SUSD6: variants seen among roughly 807,000 people sequenced by gnomAD.
SUSD6 encodes sushi domain containing 6.
Under a neutral mutation model 28.4 loss-of-function variants are expected in SUSD6, and 16 were observed. That is an observed-to-expected ratio of 0.56 (90% CI 0.38 to 0.86). The LOEUF (loss-of-function observed/expected upper bound fraction) is 0.86. SUSD6 is among the 40% of genes least tolerant of loss of function. The pLI, the probability that SUSD6 is intolerant of heterozygous loss-of-function variation, is 0.00. For missense variants in SUSD6, 341 were observed against 384.2 expected (o/e 0.89, Z 0.94); for synonymous variants, 147 against 159.6 (o/e 0.92, Z 0.59).
chr14:69,662,484 G>A (rs1345826672), intron 2 of SUSD6, among the ~76,000 whole-genome samples: 1 of 152,180 alleles, frequency 6.6e-6, no homozygotes. Flanking sequence ...TGCAGTTATA[G>A]CAGAAAAGGT....
intron 1 of SUSD6, among the ~76,000 whole-genome samples, chr14:69,626,217 C>T (rs3784144): frequency 0.047 from 7,139 of 152,288 alleles, 211 homozygotes; most frequent in East Asian, 0.15. Context: ...ATTAAGCCCC[C>T]GGCTTCCCAC....
intron 2 of SUSD6, among the ~76,000 whole-genome samples, chr14:69,667,952 C>T (rs1007375835): frequency 6.6e-6 from 1 of 152,164 alleles, no homozygotes; most frequent in Non-Finnish European, 1.5e-5. Flanking sequence ...GTGATCATCC[C>T]AGTAGATCCA....
At chr14:69,614,727 ATACTCTTCCTCATTTCAG>A (rs1303413931) in intron 1 of SUSD6, among the ~76,000 whole-genome samples, 1 of 152,194 alleles carries the variant, frequency 6.6e-6, no homozygotes, top group Non-Finnish European at 1.5e-5. Context: ...AGTGAGGTAC[ATACTCTTCCTCATTTCAG>A]TACCAAACAA....
intron 5 of SUSD6, among the ~76,000 whole-genome samples, chr14:69,710,069 C>T (rs982558406): frequency 3.3e-5 from 5 of 152,152 alleles, no homozygotes; most frequent in African/African-American, 4.8e-5. Context: ...ATCTTGCCTT[C>T]GTTTTTCTTG....
intron 1 of SUSD6, among the ~76,000 whole-genome samples, chr14:69,646,042 G>A (rs1289250483): frequency 1.3e-5 from 2 of 152,120 alleles, no homozygotes; most frequent in African/African-American, 2.4e-5. Flanking sequence ...GAGCCACTGC[G>A]CCTGGCCTCC....
chr14:69,631,679 T>A (rs1885197282), intron 1 of SUSD6, among the ~76,000 whole-genome samples: 1 of 152,162 alleles, frequency 6.6e-6, no homozygotes, highest in South Asian at 2.1e-4. Flanking sequence ...TGGAGTAGGA[T>A]TATGACCACA....
rs759597813 is a variant in SUSD6 at position 69,711,022 on chromosome 14, C to T, written c.*43C>T. ...TCCTCTCTGCGAGGTTCTCTCAGCCCTTCCTCCCTCTCCCTGTGGGATTGA... is the reference window on the plus strand; with the variant it reads ...TCCTCTCTGCGAGGTTCTCTCAGCCTTTCCTCCCTCTCCCTGTGGGATTGA... On this transcript the variant is annotated 3_prime_UTR_variant, in exon 6 of 6. Coordinates refer to ENST00000342745, the MANE Select transcript of SUSD6 (RefSeq NM_014734.4). The T allele has an allele frequency of 1.2e-6, 2 of 1,603,230 alleles. No homozygotes were observed. Among genetic ancestry groups the T allele is most frequent in the Admixed American group, 1.7e-5 (1 of 60,012 alleles).
intron 1 of SUSD6, among the ~76,000 whole-genome samples, chr14:69,651,820 G>A (rs1449655020): frequency 6.6e-6 from 1 of 152,172 alleles, no homozygotes; most frequent in Non-Finnish European, 1.5e-5. Flanking sequence ...AGAAAGAGAG[G>A]TTAAGGAAGG....
At chr14:69,670,683 C>T (rs979030752) in intron 2 of SUSD6, among the ~76,000 whole-genome samples, 4 of 152,358 alleles carry the variant, frequency 2.6e-5, no homozygotes, top group South Asian at 2.1e-4. Flanking sequence ...GGGATGATAA[C>T]GTACATACCA....
intron 1 of SUSD6, among the ~76,000 whole-genome samples, chr14:69,612,461 T>TG (rs1211801832): frequency 2.1e-5 from 3 of 145,452 alleles, no homozygotes; most frequent in Non-Finnish European, 4.5e-5. Flanking sequence ...CAGACTTTCC[T>TG]TTTTTCGCTT....
At chr14:69,670,598 G>C in intron 2 of SUSD6, 1 of 445,414 alleles carries the variant, frequency 2.2e-6, no homozygotes, top group Non-Finnish European at 4.6e-6. Flanking sequence ...TTGAATCCTA[G>C]TTCTGCCAGT....
intron 1 of SUSD6, among the ~76,000 whole-genome samples, chr14:69,617,991 A>G (rs1884983896): frequency 6.6e-6 from 1 of 152,194 alleles, no homozygotes; most frequent in Non-Finnish European, 1.5e-5. Flanking sequence ...GCCAGACACA[A>G]AAAGGAGCAG....
intron 1 of SUSD6, among the ~76,000 whole-genome samples, chr14:69,620,731 C>T (rs1265665025): frequency 6.6e-6 from 1 of 152,170 alleles, no homozygotes; most frequent in Non-Finnish European, 1.5e-5. Context: ...CTAGGTCTAA[C>T]AGTTTGGTGT....
rs904332066 is a variant in SUSD6, at chr14:69,666,814, G to A, written c.121+8101G>A. On this transcript the variant is annotated intron_variant, in intron 2 of 5. Transcript: ENST00000342745. ...ATTGTCTTCAAGATTTCTTGGCCAA[G>A]TTTTTTTTTTCATTCTTTTTAAATC... Among the ~76,000 whole-genome samples the A allele has an allele frequency of 1.4e-4, 21 of 150,350 alleles. No individual in the cohort carries two copies. The East Asian group carries it at 4.1e-3, about 29-fold the overall frequency.
At chr14:69,669,062 CTTTTTTTT>C (rs58962166) in intron 2 of SUSD6, among the ~76,000 whole-genome samples, 8 of 78,004 alleles carry the variant, frequency 1.0e-4, no homozygotes, top group Non-Finnish European at 2.0e-4. Flanking sequence ...CTTTTCTTTT[CTTTTTTTT>C]TTTTTTTTTT....
intron 2 of SUSD6, among the ~76,000 whole-genome samples, chr14:69,679,122 T>A (rs1885960900): frequency 6.6e-6 from 1 of 152,252 alleles, no homozygotes; most frequent in African/African-American, 2.4e-5. Context: ...TAATTTTGTA[T>A]TTCCTTGATT....
At chr14:69,632,096 C>T (rs1413588503) in intron 1 of SUSD6, among the ~76,000 whole-genome samples, 9 of 152,094 alleles carry the variant, frequency 5.9e-5, no homozygotes, top group African/African-American at 2.2e-4. Context: ...AATTTGTTTC[C>T]CCTAGTAGCT....
intron 1 of SUSD6, chr14:69,616,988 C>G (rs1005850631): frequency 6.6e-6 from 1 of 152,150 alleles, no homozygotes; most frequent in African/African-American, 2.4e-5. Context: ...ATCTTTCTCT[C>G]TATATAGGTT....
intron 2 of SUSD6, among the ~76,000 whole-genome samples, chr14:69,696,994 A>G (rs1054407038): frequency 6.6e-6 from 1 of 152,198 alleles, no homozygotes; most frequent in African/African-American, 2.4e-5. Flanking sequence ...GTGTATTTAT[A>G]GTTATTTCTT....
Sources: gnomAD v4.1 joint callset for allele counts (sites outside exome capture counted in the v4.1 genomes callset) on GRCh38, gnomAD v4.1.1 for gene constraint, MANE v1.5 for transcripts, NCBI Gene and HGNC (gene_info 2026-07-23, HGNC 2026-07-21) for gene names.